Variants in KCNH8 observed in about 807,000 individuals in gnomAD.
KCNH8 encodes the protein voltage-gated delayed rectifier potassium channel KCNH8.
KCNH8 carries 70 observed loss-of-function variants against 103.6 expected under a neutral mutation model. That is an observed-to-expected ratio of 0.68 (90% CI 0.56 to 0.82). The LOEUF is 0.82. Ranked by LOEUF, KCNH8 falls within the 40% of genes least tolerant of loss-of-function variation. KCNH8 has a pLI of 0.00. For missense variants in KCNH8, 1,217 were observed against 1,329.9 expected (o/e 0.92, Z 1.32); for synonymous variants, 498 against 489.4 (o/e 1.02, Z -0.23).
chr3:19,462,052 T>C (rs970017544), intron 11 of KCNH8, among the ~76,000 whole-genome samples: 1 of 152,222 alleles, frequency 6.6e-6, no homozygotes, highest in Non-Finnish European at 1.5e-5. Flanking sequence ...TGTTGGACAT[T>C]TGGGTTGGTT....
At chr3:19,488,690 A>C (rs2068261041) in intron 11 of KCNH8, among the ~76,000 whole-genome samples, 1 of 151,910 alleles carries the variant, frequency 6.6e-6, no homozygotes, top group African/African-American at 2.4e-5. Context: ...ATACCATCTT[A>C]GCCTCCCTGT....
intron 5 of KCNH8, among the ~76,000 whole-genome samples, chr3:19,387,428 CATT>C (rs1396937590): frequency 6.6e-6 from 1 of 152,100 alleles, no homozygotes. Flanking sequence ...TCTCCTGTGT[CATT>C]GTTAAAATGC....
chr3:19,472,742 A>C (rs367623364), intron 11 of KCNH8, among the ~76,000 whole-genome samples: 146 of 152,328 alleles, frequency 9.6e-4, no homozygotes, highest in African/African-American at 3.3e-3. Context: ...AGTGAATTAC[A>C]TACCTACGTT....
chr3:19,495,584 A>G (rs951667805), intron 11 of KCNH8, among the ~76,000 whole-genome samples: 10 of 152,046 alleles, frequency 6.6e-5, no homozygotes, highest in African/African-American at 2.4e-4. Context: ...TTGTACAAGG[A>G]CCCTGCTATT....
rs569544616 is a variant in KCNH8, at chr3:19,433,270, A to G, written c.1178-4894A>G. ...GCTTGCCCTGGAAGGTTGTATAGCA[A>G]TGGAAATAGAGCACAAGTGATACAT... On this transcript the variant is annotated intron_variant, in intron 7 of 15. Transcript: ENST00000328405. Among the ~76,000 whole-genome samples the G allele has an allele frequency of 4.9e-4, 75 of 152,316 alleles. No individual in the cohort carries two copies. In the South Asian group the frequency reaches 0.013, roughly 27 times the overall value.
chr3:19,419,194 G>GTTTTTTTTTTTTTT (rs1491504046), intron 7 of KCNH8, among the ~76,000 whole-genome samples: 2 of 64,118 alleles, frequency 3.1e-5, no homozygotes, highest in African/African-American at 1.4e-4. Flanking sequence ...AAATGGTTTT[G>GTTTTTTTTTTTTTT]GTTTTTTTTT....
chr3:19,347,319 T>C (rs2125319853), intron 4 of KCNH8, among the ~76,000 whole-genome samples: 1 of 152,132 alleles, frequency 6.6e-6, no homozygotes, highest in East Asian at 1.9e-4. Context: ...ATATAGTCTT[T>C]AGATAATGAC....
At chr3:19,180,206 G>T (rs974561307) in intron 1 of KCNH8, among the ~76,000 whole-genome samples, 1 of 149,064 alleles carries the variant, frequency 6.7e-6, no homozygotes, top group Non-Finnish European at 1.5e-5. Flanking sequence ...TGAGAGTTTT[G>T]TGAAGGCGAT....
At chr3:19,506,353 G>A (rs1338845306) in intron 11 of KCNH8, among the ~76,000 whole-genome samples, 1 of 152,158 alleles carries the variant, frequency 6.6e-6, no homozygotes, top group Non-Finnish European at 1.5e-5. Flanking sequence ...GTTTTCAGAG[G>A]GCCAAGGCTT....
chr3:19,373,749 G>T (rs1363012957), intron 5 of KCNH8, among the ~76,000 whole-genome samples: 3 of 151,464 alleles, frequency 2.0e-5, no homozygotes, highest in Non-Finnish European at 4.4e-5. Context: ...GGCATTTAGT[G>T]CTATAAATTT....
At chr3:19,510,940 T>G (rs1223824407) in intron 12 of KCNH8, among the ~76,000 whole-genome samples, 1 of 152,208 alleles carries the variant, frequency 6.6e-6, no homozygotes, top group Non-Finnish European at 1.5e-5. Context: ...TAATGCATTA[T>G]GAAGACATTA....
chr3:19,310,015 G>T (rs1368687066), intron 3 of KCNH8, among the ~76,000 whole-genome samples: 1 of 151,900 alleles, frequency 6.6e-6, no homozygotes, highest in African/African-American at 2.4e-5. Context: ...GGGAGGAAAA[G>T]AAATAGGAAC....
chr3:19,178,746 AGG>A (rs1457360200), intron 1 of KCNH8, among the ~76,000 whole-genome samples: 1 of 152,182 alleles, frequency 6.6e-6, no homozygotes, highest in Non-Finnish European at 1.5e-5. Flanking sequence ...CTTATGGTTC[AGG>A]TCTTGCATGT....
intron 3 of KCNH8, among the ~76,000 whole-genome samples, chr3:19,294,513 G>A (rs2064970475): frequency 6.6e-6 from 1 of 152,130 alleles, no homozygotes; most frequent in Middle Eastern, 3.2e-3. Flanking sequence ...CTGCTTCAGG[G>A]ACATCTATAC....
chr3:19,397,555 G>GTA, intron 7 of KCNH8, among the ~76,000 whole-genome samples: 1 of 149,944 alleles, frequency 6.7e-6, no homozygotes, highest in African/African-American at 2.4e-5. Flanking sequence ...ATATATGTGT[G>GTA]TATATATACA....
chr3:19,281,145 G>A (rs955728697), intron 2 of KCNH8, 53 bp from the exon 3 acceptor site: 19 of 1,572,244 alleles, frequency 1.2e-5, no homozygotes, highest in Non-Finnish European at 1.4e-5. Flanking sequence ...GATTTCCATA[G>A]AGATAACACA....
chr3:19,293,513 C>G (rs531929443), intron 3 of KCNH8, among the ~76,000 whole-genome samples: 1 of 152,294 alleles, frequency 6.6e-6, no homozygotes, highest in Non-Finnish European at 1.5e-5. Flanking sequence ...TTAGACCTTT[C>G]GATCAGAATC....
chr3:19,490,065 G>A (rs139872833), intron 11 of KCNH8, among the ~76,000 whole-genome samples: 10 of 152,298 alleles, frequency 6.6e-5, no homozygotes, highest in Admixed American at 5.2e-4. Context: ...CTGACGAGGC[G>A]TTCCACCAGG....
At chr3:19,375,448 C>T (rs1334214149) in intron 5 of KCNH8, among the ~76,000 whole-genome samples, 2 of 151,132 alleles carry the variant, frequency 1.3e-5, no homozygotes, top group Non-Finnish European at 2.9e-5. Context: ...CCTTGGTTTT[C>T]AGCTCCATCA....
Sources: gnomAD v4.1 joint callset for allele counts (sites outside exome capture counted in the v4.1 genomes callset) on GRCh38, gnomAD v4.1.1 for gene constraint, MANE v1.5 for transcripts, NCBI Gene and HGNC (gene_info 2026-07-23, HGNC 2026-07-21) for gene names.